MAPT: variants seen among roughly 807,000 people sequenced by gnomAD.
MAPT encodes microtubule associated protein tau, also known as microtubule-associated protein tau.
A neutral mutation model predicts 67.9 loss-of-function variants in MAPT; 34 were observed. That is an observed-to-expected ratio of 0.50 (90% CI 0.38 to 0.67). The LOEUF is 0.67. MAPT is among the 30% of genes least tolerant of loss of function. The pLI, the probability that MAPT is intolerant of heterozygous loss-of-function variation, is 0.00. For missense variants in MAPT, 881 were observed against 1,115.2 expected (o/e 0.79, Z 2.99); for synonymous variants, 456 against 464.5 (o/e 0.98, Z 0.23).
Position 45,982,940 on chromosome 17 carries a change from C to T in MAPT, c.361C>T (p.Gln121Ter). Residue 121 changes from glutamine to a stop codon, truncating the protein, a stop_gained, in exon 5 of 13, where the codon CAG (glutamine) becomes TAG (stop). Transcript: ENST00000262410. LOFTEE classifies it high-confidence loss of function. ...GGCCAATGAGATTAGCGCCCACGTC[C>T]AGCCTGGACCCTGCGGAGAGGCCTC... is the stretch of plus-strand genomic sequence containing the variant. ...PLANEISAHV[Q>*]PGPCGEASGV... 1 of 1,401,142 alleles carries T rather than the reference C, an allele frequency of 7.1e-7. No individual in the cohort carries two copies. The highest frequency in any genetic ancestry group is 9.3e-7 in the Non-Finnish European group (1 of 1,079,936). 86.8% of individuals were successfully genotyped at this position (1,401,142 alleles called of 1,614,324 possible). A position where few individuals can be genotyped will look rare whatever the true frequency, so the allele number is the denominator to read the frequency against.
intron 1 of MAPT, among the ~76,000 whole-genome samples, chr17:45,914,614 T>C (rs537605231): frequency 6.6e-6 from 1 of 152,278 alleles, no homozygotes; most frequent in East Asian, 1.9e-4. Context: ...AGAATGAGAA[T>C]GCAGTTTCAG....
rs572494551 is a variant in MAPT, at chr17:46,019,186, C to T, written c.2286+456C>T. Among the ~76,000 whole-genome samples the T allele has an allele frequency of 9.2e-5, 14 of 152,146 alleles. No homozygotes were observed. The South Asian group carries it at 1.9e-3, about 20-fold the overall frequency. ...AGAAGCAAAGGCATTTCTTACATGG[C>T]GACAGGCAAGAGAGCGTGTGCAGGG... On this transcript the variant is annotated intron_variant, in intron 12 of 12. Transcript: ENST00000262410.
At chr17:45,917,624 A>G (rs1278251449) in intron 1 of MAPT, among the ~76,000 whole-genome samples, 1 of 152,158 alleles carries the variant, frequency 6.6e-6, no homozygotes, top group Non-Finnish European at 1.5e-5. Context: ...GCTGGAAAGT[A>G]TCAGTGAAGT....
chr17:45,979,398 C>T (rs1005926521), intron 4 of MAPT: 1 of 152,146 alleles, frequency 6.6e-6, no homozygotes, highest in Non-Finnish European at 1.5e-5. Flanking sequence ...TCTTTTCTCC[C>T]GAGTGATGGG....
intron 3 of MAPT, chr17:45,976,469 AGAGTT>A (rs2072365995): frequency 6.6e-6 from 1 of 152,250 alleles, no homozygotes; most frequent in Non-Finnish European, 1.5e-5. Flanking sequence ...GGGAGGTTCT[AGAGTT>A]GGGTGCATGT....
chr17:45,939,680 G>A (rs1213154785), intron 1 of MAPT, among the ~76,000 whole-genome samples: 1 of 152,226 alleles, frequency 6.6e-6, no homozygotes, highest in African/African-American at 2.4e-5. Flanking sequence ...AGGAGTTGAA[G>A]TGTAGGTGGC....
At chr17:45,985,693 C>A in intron 5 of MAPT, 2 of 985,432 alleles carry the variant, frequency 2.0e-6, no homozygotes, top group Non-Finnish European at 2.4e-6. Context: ...TTAGCAGATT[C>A]TTTTGTTGTG....
At chr17:45,970,402 T>TCATC (rs959207224) in intron 2 of MAPT, among the ~76,000 whole-genome samples, 1 of 151,944 alleles carries the variant, frequency 6.6e-6, no homozygotes, top group African/African-American at 2.4e-5. Context: ...ATCCACCCAT[T>TCATC]CATCCATCCA....
chr17:45,928,885 A>AC (rs1466995353), intron 1 of MAPT, among the ~76,000 whole-genome samples: 1 of 151,960 alleles, frequency 6.6e-6, no homozygotes, highest in African/African-American at 2.4e-5. Flanking sequence ...TTTAGTAGAG[A>AC]TGGGGTTTCA....
chr17:45,918,245 C>T (rs1011217234), intron 1 of MAPT, among the ~76,000 whole-genome samples: 75 of 152,326 alleles, frequency 4.9e-4, no homozygotes, highest in Non-Finnish European at 7.9e-4. Flanking sequence ...AGCGTTTCCC[C>T]CAGCTGTTGC....
At chr17:45,931,289 T>A (rs1488538386) in intron 1 of MAPT, among the ~76,000 whole-genome samples, 1 of 152,174 alleles carries the variant, frequency 6.6e-6, no homozygotes, top group Non-Finnish European at 1.5e-5. Context: ...GAAATAATCG[T>A]GTAATGAAAT....
At chr17:45,930,616 G>A (rs571321316) in intron 1 of MAPT, among the ~76,000 whole-genome samples, 2 of 152,294 alleles carry the variant, frequency 1.3e-5, no homozygotes, top group South Asian at 4.1e-4. Context: ...TACAGAAACA[G>A]AATTTGAACC....
chr17:45,983,642 C>G lies in MAPT; in HGVS notation c.1063C>G (p.Pro355Ala), dbSNP rs752188130. ...DFLSKVSTEI[P>A]ASEPDGPSVG... ...CCTCTCCAAAGTTTCCACAGAGATC[C>G]CAGCCTCAGAGCCCGACGGGCCCAG... Residue 355 changes from proline (P) to alanine (A), a missense_variant, in exon 5 of 13, where the codon CCA becomes GCA. By Grantham distance (27) the Pro-to-Ala change is conservative. Transcript: ENST00000262410. 3.7e-6 allele frequency: 6 copies of G among 1,613,818 alleles called. No individual in the cohort carries two copies. The highest frequency in any genetic ancestry group is 4.2e-6 in the Non-Finnish European group (5 of 1,180,042).
rs572783861 is a variant in MAPT at position 45,989,888 on chromosome 17, G to A, written c.1418G>A (p.Arg473His). The change falls in exon 7 of 13, where the codon CGT becomes CAT. Residue 473 changes from arginine to histidine, a missense_variant. Coordinates refer to ENST00000262410, the MANE Select transcript of MAPT (RefSeq NM_001377265.1). ...SDDKKAKTST[R>H]SSAKTLKNRP... ...ATGTTTATGTTTAAGACATCCACAC[G>A]TTCCTCTGCTAAAACCTTGAAAAAT... 2.1e-5 allele frequency: 34 copies of A among 1,613,874 alleles called. No homozygotes were observed. The highest frequency in any genetic ancestry group is 1.2e-4 in the South Asian group (11 of 91,076).
chr17:45,909,916 G>A lies in MAPT; in HGVS notation c.-18+15230G>A, dbSNP rs1412072161. Reference sequence around the variant, plus strand: ...AAAGCCATGCCTGGTGGAGCACTACGTGTAATCTCAGCTATTTGGGAGGCT... The same window carrying A: ...AAAGCCATGCCTGGTGGAGCACTACATGTAATCTCAGCTATTTGGGAGGCT... On this transcript the variant is annotated intron_variant, in intron 1 of 12. Transcript: ENST00000262410. Among the ~76,000 whole-genome samples, 6 of 144,348 alleles carry A rather than the reference G, an allele frequency of 4.2e-5. No homozygotes were observed. The East Asian group carries it at 1.0e-3, about 24-fold the overall frequency. 94.7% of individuals were successfully genotyped at this position (144,348 alleles called of 152,430 possible).
At chr17:45,900,249 G>A (rs1002984735) in intron 1 of MAPT, among the ~76,000 whole-genome samples, 3 of 152,220 alleles carry the variant, frequency 2.0e-5, no homozygotes, top group East Asian at 1.9e-4. Context: ...CCTCTGTCTC[G>A]CCCCTGTTGC....
At chr17:45,983,989 C>T (rs2073283998) in intron 5 of MAPT, 59 bp downstream of exon 5, 13 of 1,416,636 alleles carry the variant, frequency 9.2e-6, no homozygotes, top group South Asian at 5.6e-5. Flanking sequence ...TCCCAGGCTG[C>T]GGGCACTGCC....
chr17:45,962,818 A>G (rs35838379), intron 2 of MAPT, among the ~76,000 whole-genome samples: 21,322 of 152,108 alleles, frequency 0.14, 1,995 homozygotes, highest in East Asian at 0.31. Context: ...CTAGCTACTC[A>G]GGATGCTGAG....
intron 6 of MAPT, among the ~76,000 whole-genome samples, chr17:45,987,465 A>AT: frequency 6.6e-6 from 1 of 152,356 alleles, no homozygotes; most frequent in South Asian, 2.1e-4. Context: ...TTCTCACTGC[A>AT]TAAACTGCAC....
Sources: allele counts gnomAD v4.1 joint callset (sites outside exome capture counted in the v4.1 genomes callset), GRCh38; gene constraint gnomAD v4.1.1; transcripts MANE v1.5; gene names NCBI Gene and HGNC (gene_info 2026-07-23, HGNC 2026-07-21).